The following DPP10 variants were observed in gnomAD, a reference collection of about 807,000 sequenced individuals.
The protein encoded by DPP10 is inactive dipeptidyl peptidase 10.
In DPP10, 33 loss-of-function variants were observed where a neutral mutation model predicts 120.9. That is an observed-to-expected ratio of 0.27 (90% confidence interval 0.21 to 0.37). DPP10 has a LOEUF of 0.37. Ranked by LOEUF, DPP10 falls within the 10% of genes least tolerant of loss-of-function variation. DPP10 has a pLI of 1.00. For missense variants in DPP10, 816 were observed against 942.8 expected (o/e 0.87, Z 1.76); for synonymous variants, 337 against 326.1 (o/e 1.03, Z -0.36).
chr2:115,209,255 C>G lies in DPP10; in HGVS notation c.61-99984C>G, dbSNP rs148203006. ...CCTACTAAAACATATTTTGCCTATC[C>G]AAAAGGCAAAATATGTCTCTGAAGG... On this transcript the variant is annotated intron_variant, in intron 1 of 25. Transcript: ENST00000410059. Among the ~76,000 whole-genome samples the G allele has an allele frequency of 3.4e-4, 52 of 152,142 alleles. 2 individuals carry two copies. The East Asian group carries it at 0.01, about 29-fold the overall frequency.
chr2:115,264,958 A>G (rs1224280076), intron 1 of DPP10, among the ~76,000 whole-genome samples: 1 of 152,134 alleles, frequency 6.6e-6, no homozygotes, highest in Non-Finnish European at 1.5e-5. Flanking sequence ...AGGGGTGTCA[A>G]ATGTTTCAGC....
chr2:115,530,056 C>CT (rs2078368066), intron 5 of DPP10, among the ~76,000 whole-genome samples: 1 of 151,836 alleles, frequency 6.6e-6, no homozygotes, highest in African/African-American at 2.4e-5. Flanking sequence ...TTCTTATGGT[C>CT]TTTTTTTTCT....
At chr2:114,552,334 C>T (rs1001017088) in intron 1 of DPP10, among the ~76,000 whole-genome samples, 1 of 72,734 alleles carries the variant, frequency 1.4e-5, no homozygotes, top group African/African-American at 3.2e-5. Flanking sequence ...TGTATTGATT[C>T]CCATTACAAG....
At chr2:115,152,332 T>C (rs960355739) in intron 1 of DPP10, among the ~76,000 whole-genome samples, 1 of 152,254 alleles carries the variant, frequency 6.6e-6, no homozygotes, top group African/African-American at 2.4e-5. Flanking sequence ...GGATTTGGCC[T>C]CTGGGCTACA....
intron 1 of DPP10, among the ~76,000 whole-genome samples, chr2:115,027,016 T>G (rs1267422683): frequency 6.6e-6 from 1 of 152,198 alleles, no homozygotes; most frequent in Admixed American, 6.5e-5. Flanking sequence ...TTTTAAACGT[T>G]TCCTTGTATT....
chr2:115,169,502 AG>A, intron 1 of DPP10, among the ~76,000 whole-genome samples: 2 of 152,260 alleles, frequency 1.3e-5, no homozygotes, highest in African/African-American at 4.8e-5. Context: ...AGATTATTAT[AG>A]GGCGTTAGAT....
chr2:115,104,568 A>G lies in DPP10; in HGVS notation c.61-204671A>G, dbSNP rs139810372. On this transcript the variant is annotated intron_variant, in intron 1 of 25. Coordinates refer to ENST00000410059, the MANE Select transcript of DPP10 (RefSeq NM_020868.6). ...GTTCCTTCACACTGAGTAAGGTTTCATCCCTGTTTTTTGTAAGAGGTAGTC... is the reference window on the plus strand; with the variant it reads ...GTTCCTTCACACTGAGTAAGGTTTCGTCCCTGTTTTTTGTAAGAGGTAGTC... Among the ~76,000 whole-genome samples the G allele has an allele frequency of 2.6e-5, 4 of 152,224 alleles. No individual in the cohort carries two copies. In the East Asian group the frequency reaches 7.7e-4, roughly 29 times the overall value.
At chr2:115,432,799 A>T in intron 3 of DPP10, among the ~76,000 whole-genome samples, 1 of 151,752 alleles carries the variant, frequency 6.6e-6, no homozygotes. Context: ...GAGCTACTGC[A>T]TTGAGTGGGT....
chr2:114,580,081 C>G (rs1690375779), intron 1 of DPP10, among the ~76,000 whole-genome samples: 1 of 152,172 alleles, frequency 6.6e-6, no homozygotes, highest in Non-Finnish European at 1.5e-5. Context: ...TGAGGTTGCT[C>G]AAACTGGACA....
At chr2:115,648,136 CAA>C (rs902503172) in intron 5 of DPP10, among the ~76,000 whole-genome samples, 1 of 146,238 alleles carries the variant, frequency 6.8e-6, no homozygotes. Context: ...TCCACCAGAG[CAA>C]AAAAAAAATA....
At chr2:114,686,418 CA>C (rs1699371462) in intron 1 of DPP10, among the ~76,000 whole-genome samples, 1 of 151,818 alleles carries the variant, frequency 6.6e-6, no homozygotes, top group African/African-American at 2.4e-5. Context: ...TATGATACTT[CA>C]CAAAATTAAA....
At chr2:115,124,314 T>C (rs1424718018) in intron 1 of DPP10, among the ~76,000 whole-genome samples, 1 of 152,158 alleles carries the variant, frequency 6.6e-6, no homozygotes, top group Non-Finnish European at 1.5e-5. Flanking sequence ...CCAAAATTAT[T>C]GACATAGCTC....
intron 1 of DPP10, among the ~76,000 whole-genome samples, chr2:115,213,954 G>GA (rs1180886514): frequency 2.5e-4 from 38 of 152,164 alleles, no homozygotes; most frequent in Non-Finnish European, 5.0e-4. Context: ...TTTATGGATA[G>GA]AAAAAATCAG....
At chr2:115,406,425 A>C (rs952611796) in intron 3 of DPP10, among the ~76,000 whole-genome samples, 1 of 152,206 alleles carries the variant, frequency 6.6e-6, no homozygotes, top group Non-Finnish European at 1.5e-5. Context: ...CTCCACATAC[A>C]GAAATACTAT....
chr2:115,107,957 T>C (rs1022802231), intron 1 of DPP10, among the ~76,000 whole-genome samples: 1 of 152,308 alleles, frequency 6.6e-6, no homozygotes, highest in Non-Finnish European at 1.5e-5. Context: ...TTTATACATA[T>C]TTGATCAGTA....
At chr2:115,331,067 G>A (rs1466231457) in intron 2 of DPP10, among the ~76,000 whole-genome samples, 2 of 152,068 alleles carry the variant, frequency 1.3e-5, no homozygotes, top group East Asian at 1.9e-4. Flanking sequence ...GGCATGGAAC[G>A]TTCTTCCATT....
intron 5 of DPP10, among the ~76,000 whole-genome samples, chr2:115,660,912 G>T (rs1021632939): frequency 4.0e-5 from 6 of 151,728 alleles, no homozygotes; most frequent in Non-Finnish European, 8.8e-5. Flanking sequence ...AGAAAATCAA[G>T]GATAACCATT....
At chr2:115,578,108 C>T (rs952117053) in intron 5 of DPP10, among the ~76,000 whole-genome samples, 22 of 152,144 alleles carry the variant, frequency 1.4e-4, no homozygotes, top group Non-Finnish European at 5.9e-5. Context: ...TTCTCAGAAA[C>T]AAAAGCAAGC....
intron 3 of DPP10, among the ~76,000 whole-genome samples, chr2:115,419,467 T>G (rs915283106): frequency 5.9e-5 from 9 of 152,088 alleles, no homozygotes; most frequent in Non-Finnish European, 1.3e-4. Flanking sequence ...TATAACCTGA[T>G]TTCTAATGAG....
Sources: allele counts gnomAD v4.1 joint callset (sites outside exome capture counted in the v4.1 genomes callset), GRCh38; gene constraint gnomAD v4.1.1; transcripts MANE v1.5; gene names NCBI Gene and HGNC (gene_info 2026-07-23, HGNC 2026-07-21).